The following CCL26 variants were observed in gnomAD, a reference collection of about 807,000 sequenced individuals.
The protein encoded by CCL26 is C-C motif chemokine ligand 26, also known as C-C motif chemokine 26.
In CCL26, 10 loss-of-function variants were observed where a neutral mutation model predicts 10.7. The observed-to-expected ratio is 0.93, with a 90% confidence interval of 0.57 to 1.58. The LOEUF is 1.58. Ranked by LOEUF, CCL26 falls within the 40% of genes most tolerant of loss-of-function variation. The pLI is 0.00. For missense variants in CCL26, 116 were observed against 111.0 expected (o/e 1.05, Z -0.20); for synonymous variants, 43 against 41.4 (o/e 1.04, Z -0.15).
intron 1 of CCL26, among the ~76,000 whole-genome samples, chr7:75,787,289 T>G (rs1803215577): frequency 6.6e-6 from 1 of 152,114 alleles, no homozygotes; most frequent in Non-Finnish European, 1.5e-5. Flanking sequence ...CAGTGGAAAC[T>G]TCGTACCCCT....
Position 75,777,561 on chromosome 7 carries a change from AAT to A in CCL26, c.-78-5309_-78-5308del, listed in dbSNP as rs1802967551. ...CCAGTAGTTGGAGACAAGCCTGGGC[AAT>A]ATAGCAAGACTCCATCTCTACAAAA... On this transcript the variant is annotated intron_variant, in intron 1 of 3. Transcript: ENST00000394905. Among the ~76,000 whole-genome samples the A allele has an allele frequency of 2.6e-5, 4 of 151,966 alleles. No individual in the cohort carries two copies. The South Asian group carries it at 8.3e-4, about 32-fold the overall frequency.
chr7:75,770,351 T>C (rs1802796045), intron 2 of CCL26, among the ~76,000 whole-genome samples: 1 of 152,132 alleles, frequency 6.6e-6, no homozygotes, highest in Non-Finnish European at 1.5e-5. Context: ...ATAACAGGTG[T>C]GAGCCACCAC....
chr7:75,782,384 A>G (rs1554529551), intron 1 of CCL26, among the ~76,000 whole-genome samples: 1 of 151,926 alleles, frequency 6.6e-6, no homozygotes, highest in African/African-American at 2.4e-5. Flanking sequence ...ATTCACCCAC[A>G]TTCCCTTGGT....
chr7:75,779,533 C>T (rs1477899413), intron 1 of CCL26, among the ~76,000 whole-genome samples: 1 of 152,158 alleles, frequency 6.6e-6, no homozygotes, highest in Non-Finnish European at 1.5e-5. Flanking sequence ...ATCTTGGCAC[C>T]ACCCTTCAAT....
At chr7:75,791,401 T>A (rs1240062860), upstream of CCL26, among the ~76,000 whole-genome samples, 1 of 152,120 alleles carries the variant, frequency 6.6e-6, no homozygotes, top group Non-Finnish European at 1.5e-5. Flanking sequence ...AGCCCATAGC[T>A]GGCGGCCCTG....
upstream of CCL26, chr7:75,772,355 A>G: frequency 1.7e-6 from 1 of 600,242 alleles, no homozygotes; most frequent in South Asian, 2.1e-5. Flanking sequence ...GAAATTAGAC[A>G]GTGAAGAAAG....
At chr7:75,777,721 G>GAAAAAAAA (rs60039632) in intron 1 of CCL26, among the ~76,000 whole-genome samples, 1,112 of 60,536 alleles carry the variant, frequency 0.018, 349 homozygotes, top group African/African-American at 0.049. Flanking sequence ...TCCTGTCTCA[G>GAAAAAAAA]AAAAAAAAAA....
chr7:75,770,142 TC>T (rs1802790906), intron 2 of CCL26, among the ~76,000 whole-genome samples: 1 of 151,328 alleles, frequency 6.6e-6, no homozygotes, highest in Admixed American at 6.6e-5. Flanking sequence ...TGATCTCAGC[TC>T]ATTGCAACCT....
intron 1 of CCL26, among the ~76,000 whole-genome samples, chr7:75,781,447 G>A (rs1803061331): frequency 6.6e-6 from 1 of 152,172 alleles, no homozygotes; most frequent in Non-Finnish European, 1.5e-5. Flanking sequence ...TCTGGCCACT[G>A]GGCCAAGGAA....
chr7:75,771,210 T>G (rs782511981), intron 2 of CCL26, among the ~76,000 whole-genome samples: 4 of 152,106 alleles, frequency 2.6e-5, no homozygotes, highest in Non-Finnish European at 4.4e-5. Flanking sequence ...CTCCCCACCA[T>G]GTACAACTCC....
At chr7:75,789,891 G>A (rs1803285031) in exon 1 of CCL26, 1 of 152,084 alleles carries the variant, frequency 6.6e-6, no homozygotes, top group African/African-American at 2.4e-5. Flanking sequence ...ACATTTCTGA[G>A]GTTCTGGGTG....
intron 2 of CCL26, among the ~76,000 whole-genome samples, chr7:75,771,008 A>G (rs529562640): frequency 6.6e-6 from 1 of 152,310 alleles, no homozygotes; most frequent in South Asian, 2.1e-4. Context: ...AAAGCTGCAT[A>G]AATTCAGGGG....
In CCL26 at chr7:75,772,020, G is replaced by A. The variant is rs1802833695; in HGVS notation, c.74-17C>T. 1.2e-6 allele frequency: 2 copies of A among 1,608,214 alleles called. No homozygotes were observed. The highest frequency in any genetic ancestry group is 1.7e-5 in the Admixed American group (1 of 59,988). On this transcript the variant is annotated splice_polypyrimidine_tract_variant and intron_variant, in intron 1 of 2. Transcript: ENST00000005180. The stretch of plus-strand genomic sequence containing the variant: ...CACTCCCACCTAAAAATCAGGGAGA[G>A]GAAGGGTTTGGAGATACTCATTTCC...
At chr7:75,772,286 G>A, upstream of CCL26, 1 of 753,720 alleles carries the variant, frequency 1.3e-6, no homozygotes. Flanking sequence ...TCTGTGGTTG[G>A]GAACAGAAGC....
chr7:75,771,999 C>G lies in CCL26; in HGVS notation c.78G>C (p.Gly26=). ...LSLHLGTATR[G]SDISKTCCFQ... ...AGCAGCAGGTCTTGGATATGTCACT[C>G]CCACCTAAAAATCAGGGAGAGGAAG... The change falls in exon 2 of 3, where the codon GGG becomes GGC. Residue 26 remains glycine (G), a synonymous_variant. Transcript: ENST00000005180. The G allele has an allele frequency of 3.7e-6, 6 of 1,612,918 alleles. No homozygotes were observed. The highest frequency in any genetic ancestry group is 5.1e-6 in the Non-Finnish European group (6 of 1,178,886).
At chr7:75,774,982 G>A (rs1239653193), upstream of CCL26, among the ~76,000 whole-genome samples, 1 of 152,086 alleles carries the variant, frequency 6.6e-6, no homozygotes, top group Admixed American at 6.6e-5. Flanking sequence ...CACTTTGGTA[G>A]GCTGATGGGG....
Position 75,787,292 on chromosome 7 carries a change from G to A in CCL26, c.-79+2425C>T, listed in dbSNP as rs986433038. On this transcript the variant is annotated intron_variant, in intron 1 of 3. Transcript: ENST00000394905. ...GCTCTTGGTATTCAGTGGAAACTTC[G>A]TACCCCTTACCATCCTCAATCTTCA... Among the ~76,000 whole-genome samples the A allele has an allele frequency of 2.6e-5, 4 of 152,116 alleles. No homozygotes were observed. The South Asian group carries it at 6.2e-4, about 24-fold the overall frequency.
upstream of CCL26, among the ~76,000 whole-genome samples, chr7:75,775,091 G>A (rs1281832973): frequency 4.0e-5 from 6 of 151,816 alleles, no homozygotes; most frequent in East Asian, 1.9e-4. Context: ...ATGGTGTCGC[G>A]TGTCTGTAAT....
chr7:75,791,113 G>A (rs1803321622), upstream of CCL26, among the ~76,000 whole-genome samples: 1 of 147,698 alleles, frequency 6.8e-6, no homozygotes, highest in Non-Finnish European at 1.5e-5. Flanking sequence ...TGCAACTTCT[G>A]CCTCCCGGGT....
Sources: gnomAD v4.1 joint callset for allele counts (sites outside exome capture counted in the v4.1 genomes callset) on GRCh38, gnomAD v4.1.1 for gene constraint, MANE v1.5 for transcripts, NCBI Gene and HGNC (gene_info 2026-07-23, HGNC 2026-07-21) for gene names.